DLGAP2: variants seen among roughly 807,000 people sequenced by gnomAD.
DLGAP2 encodes the protein disks large-associated protein 2.
Under a neutral mutation model 100.3 loss-of-function variants are expected in DLGAP2, and 26 were observed. The observed-to-expected ratio is 0.26, with a 90% CI of 0.19 to 0.36. The LOEUF (loss-of-function observed/expected upper bound fraction) is 0.36, where lower values mean the gene tolerates loss of function less well. DLGAP2 is among the 10% of genes least tolerant of loss of function. The pLI, the probability that DLGAP2 is intolerant of heterozygous loss-of-function variation, is 1.00. For missense variants in DLGAP2, 1,858 were observed against 1,453.2 expected, an observed-to-expected ratio of 1.28 and a Z score of -4.53; for synonymous variants, 886 against 630.1, an observed-to-expected ratio of 1.41 and a Z score of -6.08.
chr8:856,633 C>T (rs189241069), intron 1 of DLGAP2, among the ~76,000 whole-genome samples: 31 of 152,078 alleles, frequency 2.0e-4, no homozygotes, highest in African/African-American at 7.2e-4. Context: ...TACATTAGTA[C>T]CAAAAAAATG....
At chr8:1,336,161 G>A (rs1488886611) in intron 3 of DLGAP2, among the ~76,000 whole-genome samples, 1 of 152,214 alleles carries the variant, frequency 6.6e-6, no homozygotes, top group Non-Finnish European at 1.5e-5. Context: ...TCCTTTCTGT[G>A]GATTCGTTCT....
chr8:1,472,299 G>A (rs770103629), intron 3 of DLGAP2, among the ~76,000 whole-genome samples: 20 of 152,174 alleles, frequency 1.3e-4, no homozygotes, highest in Non-Finnish European at 1.9e-4. Context: ...AGGAGAGGAC[G>A]CAGCTGGGAG....
At chr8:1,337,685 A>G (rs986958785) in intron 3 of DLGAP2, among the ~76,000 whole-genome samples, 48 of 152,292 alleles carry the variant, frequency 3.2e-4, no homozygotes, top group South Asian at 2.1e-4. Flanking sequence ...TAAGCAACAC[A>G]AGGATAAAAA....
chr8:1,428,996 T>C (rs901240436), intron 3 of DLGAP2, among the ~76,000 whole-genome samples: 3 of 152,212 alleles, frequency 2.0e-5, no homozygotes, highest in African/African-American at 7.2e-5. Context: ...TAAAATTCTG[T>C]GGAGTTTATT....
intron 3 of DLGAP2, among the ~76,000 whole-genome samples, chr8:1,421,286 A>G (rs1391415725): frequency 1.3e-5 from 2 of 152,100 alleles, no homozygotes; most frequent in South Asian, 2.1e-4. Context: ...TGATTTTTCT[A>G]TCCAGTGCTT....
chr8:1,363,251 C>G (rs565015486), intron 3 of DLGAP2, among the ~76,000 whole-genome samples: 4 of 152,210 alleles, frequency 2.6e-5, no homozygotes, highest in African/African-American at 7.2e-5. Flanking sequence ...GGCAGCATCC[C>G]GAAAGCGCCC....
At chr8:1,362,830 C>T (rs758784442) in intron 3 of DLGAP2, among the ~76,000 whole-genome samples, 19 of 152,338 alleles carry the variant, frequency 1.2e-4, no homozygotes, top group Non-Finnish European at 1.9e-4. Context: ...CTGGGCTTCT[C>T]CTGGTGAATT....
intron 2 of DLGAP2, among the ~76,000 whole-genome samples, chr8:922,647 C>G (rs770121152): frequency 5.9e-5 from 9 of 152,154 alleles, no homozygotes; most frequent in Non-Finnish European, 1.0e-4. Context: ...TGAACCATAT[C>G]TAATAGAAAT....
intron 2 of DLGAP2, among the ~76,000 whole-genome samples, chr8:1,044,903 C>A (rs1802475360): frequency 6.6e-6 from 1 of 152,218 alleles, no homozygotes; most frequent in Non-Finnish European, 1.5e-5. Flanking sequence ...CAAACCTTCC[C>A]TGTTGACCAC....
chr8:968,334 G>C (rs1261210537), intron 2 of DLGAP2, among the ~76,000 whole-genome samples: 2 of 152,136 alleles, frequency 1.3e-5, no homozygotes, highest in African/African-American at 4.8e-5. Flanking sequence ...AACCTTTCAT[G>C]GTCAGATGGT....
At position 1,565,907 on chromosome 8, in the gene DLGAP2, A is replaced by G. The variant is rs1255197515; in HGVS notation, c.1442+13A>G. Reference sequence around the variant, plus strand: ...GAGAGCACCAGACGTAAGTGAGACCAGCTGCCTTCCCACTCCAAGCACTTT... The same window carrying G: ...GAGAGCACCAGACGTAAGTGAGACCGGCTGCCTTCCCACTCCAAGCACTTT... On this transcript the variant is annotated intron_variant, in intron 6 of 14. Coordinates refer to ENST00000637795, the MANE Select transcript of DLGAP2 (RefSeq NM_001346810.2). The G allele has an allele frequency of 2.5e-6, 4 of 1,580,850 alleles. No homozygotes were observed. The highest frequency in any genetic ancestry group is 3.4e-6 in the Non-Finnish European group (4 of 1,163,440).
rs1221579268 is a variant in DLGAP2 at position 1,298,013 on chromosome 8, CAGGG to C, written c.106+39134_106+39137del. 4.2e-4 allele frequency among the ~76,000 whole-genome samples: 12 copies of C among 28,336 alleles called. 1 individual carries two copies. Among genetic ancestry groups the C allele is most frequent in the Admixed American group, 3.3e-3 (9 of 2,698 alleles). 18.6% of individuals were successfully genotyped at this position (28,336 alleles called of 152,430 possible). ...AGGCGTCAACAGACACCACGTGAGA[CAGGG>C]AGGAGAAACGTGGCAGGCGTGAACA... On this transcript the variant is annotated intron_variant, in intron 3 of 14. Coordinates refer to ENST00000637795, the MANE Select transcript of DLGAP2 (RefSeq NM_001346810.2).
intron 3 of DLGAP2, among the ~76,000 whole-genome samples, chr8:1,379,870 TGA>T (rs35435452): frequency 3.6e-4 from 30 of 83,298 alleles, no homozygotes; most frequent in South Asian, 1.3e-3. Flanking sequence ...GGGGGCCTGC[TGA>T]TTTGGGGTGC....
intron 1 of DLGAP2, among the ~76,000 whole-genome samples, chr8:858,787 A>C (rs1392457610): frequency 6.6e-6 from 1 of 152,116 alleles, no homozygotes; most frequent in African/African-American, 2.4e-5. Context: ...CCGTGGGCAT[A>C]TATGAGATGC....
At chr8:1,678,131 T>C in intron 11 of DLGAP2, 83 bp from the exon 12 acceptor site, 1 of 1,497,744 alleles carries the variant, frequency 6.7e-7, no homozygotes, top group Non-Finnish European at 9.0e-7. Context: ...TCAGGTGCGC[T>C]CCTGACAGGC....
intron 2 of DLGAP2, among the ~76,000 whole-genome samples, chr8:1,177,340 G>A (rs978260809): frequency 1.3e-5 from 2 of 152,058 alleles, no homozygotes; most frequent in Non-Finnish European, 2.9e-5. Flanking sequence ...TATATCATAA[G>A]CCTGGCTGTT....
At chr8:1,558,946 A>G (rs975414464) in intron 5 of DLGAP2, among the ~76,000 whole-genome samples, 2 of 152,182 alleles carry the variant, frequency 1.3e-5, no homozygotes, top group Admixed American at 1.3e-4. Flanking sequence ...ACAGCAATGG[A>G]CGATAATGTT....
chr8:1,531,169 C>G (rs557610068), intron 4 of DLGAP2, among the ~76,000 whole-genome samples: 9 of 151,824 alleles, frequency 5.9e-5, no homozygotes, highest in Non-Finnish European at 7.4e-5. Context: ...CTCCCCTCCC[C>G]GCTAAAAAAG....
chr8:1,006,184 A>T (rs368308835), intron 2 of DLGAP2, among the ~76,000 whole-genome samples: 2 of 152,170 alleles, frequency 1.3e-5, no homozygotes, highest in Non-Finnish European at 2.9e-5. Flanking sequence ...GCGAGACACC[A>T]TCTCAAAAAG....
Sources: allele counts gnomAD v4.1 joint callset (sites outside exome capture counted in the v4.1 genomes callset), GRCh38; gene constraint gnomAD v4.1.1; transcripts MANE v1.5; gene names NCBI Gene and HGNC (gene_info 2026-07-23, HGNC 2026-07-21).